The following DDR2 variants were observed in gnomAD, a reference collection of about 807,000 sequenced individuals.
DDR2 encodes discoidin domain receptor tyrosine kinase 2, also known as discoidin domain-containing receptor 2.
Under a neutral mutation model 94.9 loss-of-function variants are expected in DDR2, and 27 were observed. The observed-to-expected ratio is 0.28, with a 90% CI of 0.21 to 0.39. The LOEUF (loss-of-function observed/expected upper bound fraction) is 0.39. Ranked by LOEUF, DDR2 falls within the 10% of genes least tolerant of loss-of-function variation. The pLI, the probability that DDR2 is intolerant of heterozygous loss-of-function variation, is 1.00. For missense variants in DDR2, 783 were observed against 1,076.0 expected, an observed-to-expected ratio of 0.73 and a Z score of 3.81; for synonymous variants, 382 against 377.2, an observed-to-expected ratio of 1.01 and a Z score of -0.15.
chr1:162,754,596 C>G, intron 4 of DDR2, 28 bp from the exon 5 acceptor site: 1 of 1,609,768 alleles, frequency 6.2e-7, no homozygotes. Context: ...ATGGTTGCTC[C>G]CTCTCTCCCC....
intron 2 of DDR2, among the ~76,000 whole-genome samples, chr1:162,702,944 C>T (rs1660494534): frequency 6.6e-6 from 1 of 152,158 alleles, no homozygotes; most frequent in African/African-American, 2.4e-5. Context: ...TGTGTATATA[C>T]ATTTTTTCTT....
At chr1:162,701,151 T>C (rs1660413288) in intron 2 of DDR2, among the ~76,000 whole-genome samples, 2 of 152,094 alleles carry the variant, frequency 1.3e-5, no homozygotes, top group Admixed American at 6.5e-5. Flanking sequence ...CCGTAGTAGA[T>C]AGAATCATTC....
At chr1:162,633,267 T>A (rs905657990) in intron 1 of DDR2, among the ~76,000 whole-genome samples, 1 of 152,124 alleles carries the variant, frequency 6.6e-6, no homozygotes, top group African/African-American at 2.4e-5. Context: ...TGTTATGGAA[T>A]GACTGGGGCT....
chr1:162,771,915 G>A, intron 12 of DDR2, 109 bp from the exon 13 acceptor site: 1 of 1,154,634 alleles, frequency 8.7e-7, no homozygotes. Context: ...TCATGAAGCA[G>A]GTTAGGCTTT....
At chr1:162,696,686 C>T (rs560129855) in intron 2 of DDR2, among the ~76,000 whole-genome samples, 37 of 152,228 alleles carry the variant, frequency 2.4e-4, no homozygotes, top group African/African-American at 8.7e-4. Flanking sequence ...ACCCTCCTGG[C>T]TGGAGCCTAA....
intron 9 of DDR2, among the ~76,000 whole-genome samples, chr1:162,762,797 A>G (rs527455142): frequency 6.6e-6 from 1 of 152,168 alleles, no homozygotes; most frequent in African/African-American, 2.4e-5. Flanking sequence ...ATTGCTTTTT[A>G]TCAATTTAAT....
intron 2 of DDR2, among the ~76,000 whole-genome samples, chr1:162,710,780 A>ACT (rs1266622630): frequency 6.6e-6 from 1 of 151,728 alleles, no homozygotes; most frequent in Non-Finnish European, 1.5e-5. Flanking sequence ...ACACACACAC[A>ACT]CACACACAAA....
chr1:162,764,465 C>T (rs553084883), intron 9 of DDR2, among the ~76,000 whole-genome samples: 2 of 150,096 alleles, frequency 1.3e-5, no homozygotes, highest in South Asian at 2.1e-4. Flanking sequence ...GAGGCACTAG[C>T]GTGGGTTTGT....
At position 162,763,323 on chromosome 1, in the gene DDR2, C is replaced by CTA. The variant is rs1477605393; in HGVS notation, c.1099+1870_1099+1871dup. On this transcript the variant is annotated intron_variant, in intron 9 of 17. Coordinates refer to ENST00000367921, the MANE Select transcript of DDR2 (RefSeq NM_006182.4). ...AAATAGCTGGGATTACAGGTGCCTG[C>CTA]TACCACGCCCGGCTTTTTTTTTTTT... Among the ~76,000 whole-genome samples the CTA allele has an allele frequency of 3.8e-5, 5 of 132,892 alleles. No individual in the cohort carries two copies. The East Asian group carries it at 9.3e-4, about 25-fold the overall frequency. The allele number at this position is 132,892 out of a possible 152,430, so 87.2% of individuals were successfully genotyped here.
intron 8 of DDR2, among the ~76,000 whole-genome samples, chr1:162,760,301 A>G (rs1663651268): frequency 6.6e-6 from 1 of 151,682 alleles, no homozygotes; most frequent in Non-Finnish European, 1.5e-5. Context: ...ATTTCTTTTA[A>G]TATCAGGTGA....
chr1:162,750,801 T>C (rs1663151245), intron 3 of DDR2, among the ~76,000 whole-genome samples: 1 of 152,054 alleles, frequency 6.6e-6, no homozygotes, highest in African/African-American at 2.4e-5. Context: ...AACAGAGATA[T>C]AGACCAATGG....
chr1:162,662,268 A>G (rs991958848), intron 2 of DDR2, among the ~76,000 whole-genome samples: 5 of 152,336 alleles, frequency 3.3e-5, no homozygotes, highest in African/African-American at 1.2e-4. Flanking sequence ...CCTATTGTGT[A>G]ACAGGATGCA....
intron 2 of DDR2, among the ~76,000 whole-genome samples, chr1:162,663,238 A>G (rs1189075833): frequency 1.3e-5 from 2 of 152,172 alleles, no homozygotes; most frequent in Non-Finnish European, 2.9e-5. Context: ...GAATTTGAAA[A>G]ATGTTGAGTG....
rs1292005555 is a variant in DDR2 at position 162,681,058 on chromosome 1, T to C, written c.-28+25684T>C. ...GCTGTCTGGAGCCAAAAGATCCAGA[T>C]TGAAACCAGACTTTAAGCCTGGGCT... is the stretch of plus-strand genomic sequence containing the variant. On this transcript the variant is annotated intron_variant, in intron 2 of 17. Coordinates refer to ENST00000367921, the MANE Select transcript of DDR2 (RefSeq NM_006182.4). Among the ~76,000 whole-genome samples, 11 of 152,292 alleles carry C rather than the reference T, an allele frequency of 7.2e-5. No individual in the cohort carries two copies. The East Asian group carries it at 1.9e-3, about 27-fold the overall frequency.
chr1:162,656,744 G>A (rs748982581), intron 2 of DDR2, among the ~76,000 whole-genome samples: 1 of 148,986 alleles, frequency 6.7e-6, no homozygotes, highest in Non-Finnish European at 1.5e-5. Context: ...TCTATTACAT[G>A]AGATTTTTCA....
At position 162,688,159 on chromosome 1, in the gene DDR2, A is replaced by C. The variant is rs1659780362; in HGVS notation, c.-27-30878A>C. 2.0e-5 allele frequency among the ~76,000 whole-genome samples: 3 copies of C among 152,226 alleles called. No individual in the cohort carries two copies. In the South Asian group the frequency reaches 6.2e-4, roughly 31 times the overall value. ...GGGAATACGTGAGCGTGCATTAAGA[A>C]TGTAGCAAGTGAGACTGACATGTCT... On this transcript the variant is annotated intron_variant, in intron 2 of 17. Coordinates refer to ENST00000367921, the MANE Select transcript of DDR2 (RefSeq NM_006182.4).
intron 3 of DDR2, among the ~76,000 whole-genome samples, chr1:162,725,776 G>A (rs187533754): frequency 5.3e-5 from 8 of 152,320 alleles, no homozygotes; most frequent in South Asian, 2.1e-4. Context: ...ACAGAGACCC[G>A]TGAATCCCCT....
At chr1:162,727,961 C>A (rs368171434) in intron 3 of DDR2, among the ~76,000 whole-genome samples, 4 of 120,856 alleles carry the variant, frequency 3.3e-5, no homozygotes, top group Middle Eastern at 3.8e-3. Flanking sequence ...CTATATATAT[C>A]TATATATATA....
intron 2 of DDR2, among the ~76,000 whole-genome samples, chr1:162,671,499 C>T (rs879438214): frequency 3.9e-5 from 6 of 152,056 alleles, no homozygotes; most frequent in Non-Finnish European, 7.4e-5. Context: ...AGGTGAAGGC[C>T]GAGAAGCTTC....
Sources: gnomAD v4.1 joint callset for allele counts (sites outside exome capture counted in the v4.1 genomes callset) on GRCh38, gnomAD v4.1.1 for gene constraint, MANE v1.5 for transcripts, NCBI Gene and HGNC (gene_info 2026-07-23, HGNC 2026-07-21) for gene names.